HVCN1: variants seen among roughly 807,000 people sequenced by gnomAD.
The protein encoded by HVCN1 is voltage-gated hydrogen channel 1.
A neutral mutation model predicts 29.2 loss-of-function variants in HVCN1; 14 were observed. That is an observed-to-expected ratio of 0.48 (90% CI 0.32 to 0.75). The LOEUF is 0.75. HVCN1 is among the 30% of genes least tolerant of loss of function. HVCN1 has a pLI of 0.04. For synonymous variants in HVCN1, 131 were observed against 133.2 expected, an observed-to-expected ratio of 0.98 and a Z score of 0.11; for missense variants, 263 against 341.8, an observed-to-expected ratio of 0.77 and a Z score of 1.82.
intron 2 of HVCN1, among the ~76,000 whole-genome samples, chr12:110,684,561 C>G (rs1201797485): frequency 6.6e-6 from 1 of 152,132 alleles, no homozygotes; most frequent in Non-Finnish European, 1.5e-5. Context: ...GCAGAGTCTA[C>G]AGGATGACCC....
intron 5 of HVCN1, 46 bp from the exon 6 acceptor site, chr12:110,651,494 G>A (rs756690985): frequency 7.5e-7 from 1 of 1,339,554 alleles, no homozygotes; most frequent in Non-Finnish European, 1.1e-6. Context: ...GGGCCTCTGG[G>A]AGGTCAAGCT....
intron 2 of HVCN1, among the ~76,000 whole-genome samples, chr12:110,699,348 G>A (rs1002389887): frequency 4.6e-5 from 7 of 152,158 alleles, no homozygotes. Context: ...GAGAGAGACA[G>A]AGCCATGGCG....
intron 3 of HVCN1, among the ~76,000 whole-genome samples, chr12:110,674,936 G>C (rs1207632360): frequency 6.6e-6 from 1 of 152,082 alleles, no homozygotes; most frequent in East Asian, 1.9e-4. Context: ...GGAAGAGAAG[G>C]AACCAATATA....
Position 110,684,611 on chromosome 12 carries a change from C to G in HVCN1, c.-19-1347G>C, listed in dbSNP as rs558571770. ...GAAATACAGATGCTTTTTTTTGGTC[C>G]GTAAGGATCACTCTTCGCAGTGGTT... On this transcript the variant is annotated intron_variant, in intron 2 of 7. Transcript: ENST00000242607. Among the ~76,000 whole-genome samples, 9 of 152,040 alleles carry G rather than the reference C, an allele frequency of 5.9e-5. No individual in the cohort carries two copies. The East Asian group carries it at 1.5e-3, about 26-fold the overall frequency.
At position 110,683,211 on chromosome 12, in the gene HVCN1, A is replaced by G. The variant is rs377594040; in HGVS notation, c.21+14T>C. The G allele has an allele frequency of 4.2e-5, 67 of 1,613,514 alleles. No homozygotes were observed. The highest frequency in any genetic ancestry group is 5.4e-5 in the Non-Finnish European group (64 of 1,179,834). ...GGATATCCTCTAATGCTGCAAGACCACAGAATCCATTACCTTTTCGTCCCA... is the reference window on the plus strand; with the variant it reads ...GGATATCCTCTAATGCTGCAAGACCGCAGAATCCATTACCTTTTCGTCCCA... On this transcript the variant is annotated intron_variant, in intron 3 of 7. Transcript: ENST00000242607.
rs2069102458 is a variant in HVCN1, at chr12:110,684,360, C to A, written c.-19-1096G>T. On this transcript the variant is annotated intron_variant, in intron 2 of 7. Transcript: ENST00000242607. The stretch of plus-strand genomic sequence containing the variant: ...TTAGCTTTACATTATGTGAATTTCA[C>A]TCCAATTGAAAAAAGACAGACATTA... 3.9e-5 allele frequency among the ~76,000 whole-genome samples: 6 copies of A among 152,192 alleles called. No individual in the cohort carries two copies. In the South Asian group the frequency reaches 1.2e-3, roughly 32 times the overall value.
chr12:110,664,157 C>G (rs1004306586), intron 3 of HVCN1, among the ~76,000 whole-genome samples: 2 of 152,176 alleles, frequency 1.3e-5, no homozygotes, highest in African/African-American at 4.8e-5. Context: ...TAGGCTAAAA[C>G]AACCTTCCAG....
At chr12:110,674,878 T>C (rs964219215) in intron 3 of HVCN1, among the ~76,000 whole-genome samples, 1 of 152,168 alleles carries the variant, frequency 6.6e-6, no homozygotes, top group Non-Finnish European at 1.5e-5. Context: ...TGGACTGAGA[T>C]CCAGCCTGCA....
Position 110,661,206 on chromosome 12 carries a change from G to C in HVCN1, c.264C>G (p.Phe88Leu). The change falls in exon 4 of 8, where the codon TTC (phenylalanine) becomes TTG (leucine). Residue 88 changes from phenylalanine to leucine, a missense_variant. This residue lies in a region of HVCN1 where 157 missense variants were observed against 181.3 expected (regional missense o/e 0.87). Transcript: ENST00000242607. The surrounding 1 kb of genome is among the most constrained non-coding windows in gnomAD (Gnocchi z 6.2). ...TGAACAGTTTCCTCAACATGCCCCT[G>C]AAGTCAAGGGGGGCCCTGGGTGCGG... ...PGPAPRAPLD[F>L]RGMLRKLFSS... 1 of 1,613,438 alleles carries C rather than the reference G, an allele frequency of 6.2e-7. No homozygotes were observed. Among genetic ancestry groups the C allele is most frequent in the Non-Finnish European group, 8.5e-7 (1 of 1,179,482 alleles).
At chr12:110,687,696 G>A (rs2069247035) in intron 2 of HVCN1, among the ~76,000 whole-genome samples, 1 of 152,144 alleles carries the variant, frequency 6.6e-6, no homozygotes, top group Non-Finnish European at 1.5e-5. Flanking sequence ...ATATGCTTTG[G>A]GTTAGAACTT....
At chr12:110,701,036 A>G (rs1172957574) in intron 2 of HVCN1, among the ~76,000 whole-genome samples, 1 of 152,198 alleles carries the variant, frequency 6.6e-6, no homozygotes, top group East Asian at 1.9e-4. Flanking sequence ...CCCGCCTGGA[A>G]GTTAGACCAA....
chr12:110,690,635 G>A (rs553528884), upstream of HVCN1, among the ~76,000 whole-genome samples: 1 of 151,958 alleles, frequency 6.6e-6, no homozygotes, highest in Admixed American at 6.5e-5. Flanking sequence ...GCATCACCAT[G>A]CCTGACTAAT....
chr12:110,651,236 C>A lies in HVCN1; in HGVS notation c.624G>T (p.Arg208=), dbSNP rs1467136106. Residue 208 remains arginine (R), a synonymous_variant, in exon 6 of 8, where the codon CGG becomes CGT. Coordinates refer to ENST00000242607, the MANE Select transcript of HVCN1 (RefSeq NM_032369.4). ...ACGTACCATTGATGATCCGGGCCAC[C>A]CGCCACAGCCGGAGCAGAATCAGCA... ...LGLLILLRLW[R]VARIINGIII... is the part of the protein sequence containing the mutation. 1 of 1,613,650 alleles carries A rather than the reference C, an allele frequency of 6.2e-7. No homozygotes were observed. Among genetic ancestry groups the A allele is most frequent in the Non-Finnish European group, 8.5e-7 (1 of 1,179,684 alleles).
chr12:110,699,676 G>A (rs760335948), intron 2 of HVCN1, among the ~76,000 whole-genome samples: 70 of 152,066 alleles, frequency 4.6e-4, no homozygotes, highest in Non-Finnish European at 8.7e-4. Flanking sequence ...GATGATAACG[G>A]GGAGATAACA....
At chr12:110,652,326 G>A (rs1056008778) in intron 5 of HVCN1, among the ~76,000 whole-genome samples, 1 of 152,196 alleles carries the variant, frequency 6.6e-6, no homozygotes, top group African/African-American at 2.4e-5. Context: ...ACGGAGGAGA[G>A]GTTGCAGTGA....
At chr12:110,678,003 C>T (rs2068804263) in intron 3 of HVCN1, among the ~76,000 whole-genome samples, 1 of 152,210 alleles carries the variant, frequency 6.6e-6, no homozygotes, top group South Asian at 2.1e-4. Flanking sequence ...TGTAATCATT[C>T]CAACTATCCC....
At chr12:110,665,329 G>A (rs745746120) in intron 3 of HVCN1, among the ~76,000 whole-genome samples, 1 of 152,118 alleles carries the variant, frequency 6.6e-6, no homozygotes, top group Non-Finnish European at 1.5e-5. Context: ...AGGCCGAGGT[G>A]GGCAGATCAC....
chr12:110,664,042 CG>C (rs1046037398), intron 3 of HVCN1, among the ~76,000 whole-genome samples: 1 of 152,138 alleles, frequency 6.6e-6, no homozygotes, highest in Non-Finnish European at 1.5e-5. Flanking sequence ...CTCAACCTCC[CG>C]GGTAGTTTGG....
chr12:110,694,475 C>T (rs533970391), upstream of HVCN1, among the ~76,000 whole-genome samples: 106 of 152,306 alleles, frequency 7.0e-4, no homozygotes, highest in African/African-American at 2.3e-3. The surrounding 1 kb of genome is among the most constrained non-coding windows in gnomAD (Gnocchi z 4.6). Context: ...CTTTCCCCAG[C>T]GGGAAGAGAG....
Sources: allele counts gnomAD v4.1 joint callset (sites outside exome capture counted in the v4.1 genomes callset), GRCh38; gene constraint gnomAD v4.1.1; regional missense constraint gnomAD v4.1.1; non-coding constraint Gnocchi (gnomAD v3.1); transcripts MANE v1.5; gene names NCBI Gene and HGNC (gene_info 2026-07-23, HGNC 2026-07-21).